The following FTO variants were observed in gnomAD, a reference collection of about 807,000 sequenced individuals.
The protein encoded by FTO is FTO alpha-ketoglutarate dependent dioxygenase, also known as alpha-ketoglutarate-dependent dioxygenase FTO.
A neutral mutation model predicts 63.9 loss-of-function variants in FTO; 47 were observed. The ratio of observed to expected loss-of-function variants is 0.74; its 90% CI spans 0.58 to 0.94. The LOEUF is 0.94. Among genes scored for constraint, FTO ranks in the 40% least tolerant of loss-of-function variants. FTO has a pLI of 0.00. For missense variants in FTO, 562 were observed against 618.1 expected (o/e 0.91, Z 0.96); for synonymous variants, 207 against 224.4 (o/e 0.92, Z 0.69).
At chr16:53,815,920 A>G (rs143790321) in intron 2 of FTO, among the ~76,000 whole-genome samples, 1,941 of 152,070 alleles carry the variant, frequency 0.013, 42 homozygotes, top group African/African-American at 0.044. Context: ...AAGTGCTGGG[A>G]TTACAGGTGT....
chr16:53,835,732 T>C (rs568811400), intron 3 of FTO, among the ~76,000 whole-genome samples: 1 of 152,276 alleles, frequency 6.6e-6, no homozygotes, highest in Non-Finnish European at 1.5e-5. Flanking sequence ...TAGTTATTTC[T>C]TCCTCTCCAG....
chr16:53,871,720 G>A (rs1201106653), intron 4 of FTO, among the ~76,000 whole-genome samples: 1 of 151,294 alleles, frequency 6.6e-6, no homozygotes, highest in Non-Finnish European at 1.5e-5. Flanking sequence ...CTAAGAAGTT[G>A]GATCCTTTTT....
chr16:54,081,333 T>G (rs1041540729), intron 8 of FTO, among the ~76,000 whole-genome samples: 5 of 152,236 alleles, frequency 3.3e-5, no homozygotes, highest in Non-Finnish European at 7.3e-5. Context: ...CCTAATTTCA[T>G]TTTCCAGCAA....
chr16:53,913,232 G>A (rs539636681), intron 7 of FTO, among the ~76,000 whole-genome samples: 124 of 152,298 alleles, frequency 8.1e-4, no homozygotes, highest in African/African-American at 2.6e-3. Flanking sequence ...TCAGAATGAC[G>A]GTGATTACCC....
chr16:53,814,793 C>T (rs572076645), intron 2 of FTO: 1 of 152,326 alleles, frequency 6.6e-6, no homozygotes, highest in South Asian at 2.1e-4. Flanking sequence ...GATTCATATT[C>T]ATTAAGTTAC....
intron 8 of FTO, among the ~76,000 whole-genome samples, chr16:54,084,163 C>T (rs1270087744): frequency 6.6e-6 from 1 of 152,206 alleles, no homozygotes; most frequent in African/African-American, 2.4e-5. Flanking sequence ...GGATATTCAA[C>T]CTGTACTGGC....
chr16:54,005,860 G>C (rs1330983630), intron 8 of FTO, among the ~76,000 whole-genome samples: 1 of 152,182 alleles, frequency 6.6e-6, no homozygotes, highest in Non-Finnish European at 1.5e-5. Flanking sequence ...TTTTGGCCAA[G>C]ATTAATGTAA....
At chr16:53,713,201 CA>C (rs898480913) in intron 1 of FTO, among the ~76,000 whole-genome samples, 2 of 152,128 alleles carry the variant, frequency 1.3e-5, no homozygotes, top group African/African-American at 4.8e-5. Flanking sequence ...TTTTGAGAAA[CA>C]AGACTCTTCT....
rs545887716 is a variant in FTO at position 53,812,946 on chromosome 16, A to C, written c.123+2729A>C. 1.8e-4 allele frequency among the ~76,000 whole-genome samples: 27 copies of C among 152,374 alleles called. No individual in the cohort carries two copies. In the South Asian group the frequency reaches 2.1e-3, roughly 12 times the overall value. ...AAATGCTTACTAAATTTTCATAGCT[A>C]TAAGCCTTCTGGTGCATGATTACAT... On this transcript the variant is annotated intron_variant, in intron 2 of 8. Transcript: ENST00000471389.
At chr16:53,760,233 TGTGTGTGTGTGTGTGTGTG>T (rs2077030324) in intron 1 of FTO, among the ~76,000 whole-genome samples, 1 of 16,094 alleles carries the variant, frequency 6.2e-5, no homozygotes, top group Non-Finnish European at 1.3e-4. Context: ...TGTGTGTGTG[TGTGTGTGTGTGTGTGTGTG>T]TGTGTGTGTT....
chr16:53,909,739 T>G (rs181576625), intron 7 of FTO, among the ~76,000 whole-genome samples: 53 of 151,790 alleles, frequency 3.5e-4, no homozygotes, highest in Admixed American at 3.0e-3. Context: ...AATTTTTGTA[T>G]TTTTGGTAGA....
intron 1 of FTO, among the ~76,000 whole-genome samples, chr16:53,710,355 T>G (rs1168352927): frequency 6.8e-6 from 1 of 146,698 alleles, no homozygotes; most frequent in Admixed American, 6.9e-5. Context: ...AACCTCCACC[T>G]CCCGAGTTCA....
At chr16:53,938,609 C>G (rs942481999) in intron 8 of FTO, among the ~76,000 whole-genome samples, 1 of 152,158 alleles carries the variant, frequency 6.6e-6, no homozygotes, top group African/African-American at 2.4e-5. Flanking sequence ...AGGGAGTGAG[C>G]TAAGTGGCCA....
chr16:54,040,830 A>T (rs890027929), intron 8 of FTO: 2 of 152,246 alleles, frequency 1.3e-5, no homozygotes, highest in Non-Finnish European at 2.9e-5. Context: ...CCAAGCACAG[A>T]GAATACTTTA....
At chr16:53,840,798 G>A (rs995909867) in intron 3 of FTO, among the ~76,000 whole-genome samples, 3 of 152,092 alleles carry the variant, frequency 2.0e-5, no homozygotes, top group African/African-American at 4.8e-5. Context: ...CAAAGGTCAC[G>A]TCCTTGTCTA....
chr16:53,734,720 C>G (rs923529677), intron 1 of FTO, among the ~76,000 whole-genome samples: 6 of 152,230 alleles, frequency 3.9e-5, no homozygotes, highest in Non-Finnish European at 8.8e-5. Flanking sequence ...CTCTGCCATT[C>G]TTCAGCACGT....
At chr16:54,010,423 A>G (rs781485918) in intron 8 of FTO, among the ~76,000 whole-genome samples, 18 of 152,150 alleles carry the variant, frequency 1.2e-4, no homozygotes, top group Non-Finnish European at 2.4e-4. Context: ...GACCAGCCAA[A>G]CAAACAAACA....
intron 1 of FTO, among the ~76,000 whole-genome samples, chr16:53,805,925 A>G (rs1159739971): frequency 6.6e-6 from 1 of 152,180 alleles, no homozygotes; most frequent in Non-Finnish European, 1.5e-5. Context: ...TGTATTTGAC[A>G]CAAGTGTGAC....
At chr16:54,101,563 AT>A (rs1301224862) in intron 8 of FTO, among the ~76,000 whole-genome samples, 1 of 152,022 alleles carries the variant, frequency 6.6e-6, no homozygotes, top group African/African-American at 2.4e-5. Context: ...TTAATCTTTC[AT>A]TGATAGGCAT....
Sources: gnomAD v4.1 joint callset for allele counts (sites outside exome capture counted in the v4.1 genomes callset) on GRCh38, gnomAD v4.1.1 for gene constraint, MANE v1.5 for transcripts, NCBI Gene and HGNC (gene_info 2026-07-23, HGNC 2026-07-21) for gene names.